Variants in DPYD observed in about 807,000 individuals in gnomAD.
The protein encoded by DPYD is dihydropyrimidine dehydrogenase [NADP(+)].
DPYD carries 109 observed loss-of-function variants against 116.2 expected under a neutral mutation model. The observed-to-expected ratio is 0.94, with a 90% CI of 0.80 to 1.10. The LOEUF (loss-of-function observed/expected upper bound fraction) is 1.10, where lower values mean the gene tolerates loss of function less well. DPYD is among the 50% of genes least tolerant of loss of function. The probability of loss-of-function intolerance (pLI) is 0.00; values close to 1 mark genes in which losing one functional copy is unlikely to be tolerated. For synonymous variants in DPYD, 440 were observed against 432.0 expected (o/e 1.02, Z -0.23); for missense variants, 1,302 against 1,254.5 (o/e 1.04, Z -0.57).
At chr1:97,234,612 A>G (rs1024163590) in intron 19 of DPYD, among the ~76,000 whole-genome samples, 37 of 152,252 alleles carry the variant, frequency 2.4e-4, no homozygotes, top group African/African-American at 8.4e-4. Context: ...TCAGGATCAC[A>G]TGGGTGAATA....
rs763180116 is a variant in DPYD, at chr1:97,586,036, G to T, written c.1128+7182C>A. ...GAAAGGATGATGAAGTTCAGGTTGTGTGAGGACACTAAAAAGTTCAGCAAG... is the reference window on the plus strand; with the variant it reads ...GAAAGGATGATGAAGTTCAGGTTGTTTGAGGACACTAAAAAGTTCAGCAAG... On this transcript the variant is annotated intron_variant, in intron 10 of 22. Transcript: ENST00000370192. 39 of 216,120 alleles carry T rather than the reference G, an allele frequency of 1.8e-4. 1 individual carries two copies. Among genetic ancestry groups the T allele is most frequent in the Non-Finnish European group, 2.2e-4 (23 of 104,070 alleles). 13.4% of individuals were successfully genotyped at this position (216,120 alleles called of 1,614,324 possible).
chr1:97,153,187 C>T (rs1434848810), intron 20 of DPYD, among the ~76,000 whole-genome samples: 1 of 152,006 alleles, frequency 6.6e-6, no homozygotes, highest in Non-Finnish European at 1.5e-5. Context: ...TCCATTACTA[C>T]TATACTGAAA....
chr1:97,616,892 T>G (rs921020287), intron 8 of DPYD, among the ~76,000 whole-genome samples: 1 of 152,094 alleles, frequency 6.6e-6, no homozygotes, highest in Non-Finnish European at 1.5e-5. Flanking sequence ...GAAAGTTTTA[T>G]TTCTTTTTTT....
chr1:97,632,109 G>A (rs1657299601), intron 8 of DPYD, among the ~76,000 whole-genome samples: 1 of 152,022 alleles, frequency 6.6e-6, no homozygotes, highest in Non-Finnish European at 1.5e-5. Flanking sequence ...TTTCCCCCCA[G>A]CATATCAAGC....
At chr1:97,845,991 C>G (rs1275609866) in intron 2 of DPYD, among the ~76,000 whole-genome samples, 3 of 152,208 alleles carry the variant, frequency 2.0e-5, no homozygotes, top group Non-Finnish European at 4.4e-5. Context: ...AATGGGTGGA[C>G]CCCACACTCA....
rs370569731 is a variant in DPYD at position 97,573,792 on chromosome 1, C to G, written c.1307G>C (p.Ser436Thr). ...MVHLKADVVI[S>T]AFGSVLSDPK... is the part of the protein sequence containing the mutation. ...ATCACTCAGAACTGAACCAAAGGCA[C>G]TGATGACCACATCGGCTTTCAGATG... The change falls in exon 11 of 23, where the codon AGT becomes ACT. Residue 436 changes from serine (S) to threonine (T), a missense_variant. Transcript: ENST00000370192. The G allele has an allele frequency of 6.2e-7, 1 of 1,613,530 alleles. No individual in the cohort carries two copies. The highest frequency in any genetic ancestry group is 1.3e-5 in the African/African-American group (1 of 74,904).
intron 14 of DPYD, among the ~76,000 whole-genome samples, chr1:97,392,431 C>T (rs528298589): frequency 1.3e-5 from 2 of 151,576 alleles, no homozygotes; most frequent in East Asian, 2.0e-4. Flanking sequence ...TATAGCTTAC[C>T]GTGGCATCGA....
chr1:97,163,033 A>C (rs1401596309), intron 20 of DPYD, among the ~76,000 whole-genome samples: 1 of 151,556 alleles, frequency 6.6e-6, no homozygotes. Context: ...AAACCCTAGA[A>C]GAAAACCTAG....
intron 4 of DPYD, among the ~76,000 whole-genome samples, chr1:97,723,153 G>A (rs1197093482): frequency 1.3e-5 from 2 of 151,554 alleles, no homozygotes; most frequent in Admixed American, 6.6e-5. Flanking sequence ...CACAGCATTC[G>A]TGGTGGTTTA....
chr1:97,403,954 A>G (rs1673511081), intron 14 of DPYD, among the ~76,000 whole-genome samples: 1 of 151,762 alleles, frequency 6.6e-6, no homozygotes, highest in African/African-American at 2.4e-5. Context: ...TTTAAGTACT[A>G]CTTTTGTAGC....
chr1:97,179,911 G>C (rs557915341), intron 20 of DPYD, among the ~76,000 whole-genome samples: 1 of 152,154 alleles, frequency 6.6e-6, no homozygotes, highest in Admixed American at 6.5e-5. Flanking sequence ...GAGTAACCAG[G>C]TTTCTAAGAA....
intron 16 of DPYD, among the ~76,000 whole-genome samples, chr1:97,309,349 G>GTGTA (rs767141619): frequency 0.027 from 4,101 of 151,636 alleles, 80 homozygotes; most frequent in South Asian, 0.049. Context: ...GTGTGTGTGT[G>GTGTA]TGTGTGTGTG....
At chr1:97,234,790 T>C in intron 19 of DPYD, 62 bp downstream of exon 19, 2 of 1,601,770 alleles carry the variant, frequency 1.2e-6, no homozygotes, top group Non-Finnish European at 1.7e-6. Flanking sequence ...TTTTGTCACA[T>C]AACTTACATT....
At chr1:97,376,000 T>C (rs1222601776) in intron 15 of DPYD, among the ~76,000 whole-genome samples, 1 of 152,238 alleles carries the variant, frequency 6.6e-6, no homozygotes, top group African/African-American at 2.4e-5. Flanking sequence ...CAATAATAGC[T>C]TACATTAATT....
intron 10 of DPYD, among the ~76,000 whole-genome samples, chr1:97,583,663 T>G (rs1270494795): frequency 1.3e-5 from 2 of 151,906 alleles, no homozygotes; most frequent in African/African-American, 4.8e-5. Flanking sequence ...TTTTTTTTTT[T>G]TTTTAGTTCT....
chr1:97,898,982 G>A (rs911681996), intron 1 of DPYD, among the ~76,000 whole-genome samples: 11 of 151,844 alleles, frequency 7.2e-5, no homozygotes, highest in African/African-American at 2.7e-4. Flanking sequence ...TCAGCAGCGT[G>A]AGAACAGACT....
Position 97,740,475 on chromosome 1 carries a change from G to T in DPYD, c.238C>A (p.Leu80Met). 6.2e-7 allele frequency: 1 copy of T among 1,612,112 alleles called. No homozygotes were observed. The highest frequency in any genetic ancestry group is 8.5e-7 in the Non-Finnish European group (1 of 1,178,890). The change falls in exon 4 of 23, where the codon CTG becomes ATG. Residue 80 changes from leucine to methionine, a missense_variant. Coordinates refer to ENST00000370192, the MANE Select transcript of DPYD (RefSeq NM_000110.4). ...RGALREAMRC[L>M]KCADAPCQKS... ...TGACACGGGGCATCTGCACATTTCA[G>T]GCATCTAGGAAATAAAATAACTATG...
chr1:97,540,750 C>T (rs761829085), intron 12 of DPYD, among the ~76,000 whole-genome samples: 13 of 152,264 alleles, frequency 8.5e-5, no homozygotes, highest in Non-Finnish European at 1.3e-4. Context: ...GGCTGAAAGT[C>T]CCAATCCTAG....
rs960571664 is a variant in DPYD at position 97,622,116 on chromosome 1, C to T, written c.851-26950G>A. Among the ~76,000 whole-genome samples the T allele has an allele frequency of 2.4e-4, 37 of 152,024 alleles. 2 individuals carry two copies. Among genetic ancestry groups the T allele is most frequent in the Non-Finnish European group, 2.9e-5 (2 of 67,966 alleles). On this transcript the variant is annotated intron_variant, in intron 8 of 22. Coordinates refer to ENST00000370192, the MANE Select transcript of DPYD (RefSeq NM_000110.4). ...AGGAAGTGGAGCATAATTCCCCACT[C>T]ATTAGGTGTGGCCTGCTCATAGTGG...
Sources: gnomAD v4.1 joint callset for allele counts (sites outside exome capture counted in the v4.1 genomes callset) on GRCh38, gnomAD v4.1.1 for gene constraint, MANE v1.5 for transcripts, NCBI Gene and HGNC (gene_info 2026-07-23, HGNC 2026-07-21) for gene names.